Variants in MDH1B observed in about 807,000 individuals in gnomAD.
MDH1B encodes putative malate dehydrogenase 1B.
In MDH1B, 60 loss-of-function variants were observed where a neutral mutation model predicts 61.4. The ratio of observed to expected loss-of-function variants is 0.98; its 90% CI spans 0.79 to 1.21. The LOEUF (loss-of-function observed/expected upper bound fraction) is 1.21. Ranked by LOEUF, MDH1B falls within the 50% of genes most tolerant of loss-of-function variation. The pLI, the probability that MDH1B is intolerant of heterozygous loss-of-function variation, is 0.00. For synonymous variants in MDH1B, 236 were observed against 218.7 expected, an observed-to-expected ratio of 1.08 and a Z score of -0.70; for missense variants, 587 against 632.1, an observed-to-expected ratio of 0.93 and a Z score of 0.76.
chr2:206,738,485 A>G lies in MDH1B; in HGVS notation c.1555T>C (p.Ter519GlnextTer15), dbSNP rs372236684. Residue 519 changes from the stop codon to glutamine (Q), a stop_lost, in exon 12 of 12, where the codon TAA (stop) becomes CAA (glutamine). Coordinates refer to ENST00000374412, the MANE Select transcript of MDH1B (RefSeq NM_001039845.3). Reference protein sequence around the residue: ...NEFEGKTVES* With the variant: ...NEFEGKTVESQ ...TATATTTCATCCAATTTGATCTGTT[A>G]GGATTCCACGGTTTTGCCTTCAAAT... The G allele has an allele frequency of 4.3e-5, 68 of 1,582,076 alleles. No homozygotes were observed. Among genetic ancestry groups the G allele is most frequent in the Non-Finnish European group, 5.6e-5 (65 of 1,158,824 alleles).
At position 206,755,148 on chromosome 2, in the gene MDH1B, C is replaced by G; in HGVS notation, c.771G>C (p.Gly257=). The change falls in exon 5 of 12, where the codon GGG becomes GGC. Residue 257 remains glycine, a synonymous_variant. Transcript: ENST00000374412. The part of the protein sequence containing the change: ...AHESVRVIVG[G]RTFVNLKTVL... Reference sequence around the variant, plus strand: ...CTGTCTTCAGGTTTACAAAGGTTCTCCCTCCCACGATGACTCTGACAGACT... The same window carrying G: ...CTGTCTTCAGGTTTACAAAGGTTCTGCCTCCCACGATGACTCTGACAGACT... 6.2e-7 allele frequency: 1 copy of G among 1,614,200 alleles called. No individual in the cohort carries two copies. Among genetic ancestry groups the G allele is most frequent in the Non-Finnish European group, 8.5e-7 (1 of 1,180,046 alleles).
intron 9 of MDH1B, among the ~76,000 whole-genome samples, chr2:206,744,859 G>C (rs1350369317): frequency 6.6e-6 from 1 of 151,902 alleles, no homozygotes; most frequent in Non-Finnish European, 1.5e-5. Context: ...TGGGAGGCGG[G>C]GCTTGTGGTG....
In MDH1B at chr2:206,755,274, A is replaced by G. The variant is rs1351699222; in HGVS notation, c.645T>C (p.Asp215=). 2 of 1,614,056 alleles carry G rather than the reference A, an allele frequency of 1.2e-6. No homozygotes were observed. The highest frequency in any genetic ancestry group is 2.7e-5 in the African/African-American group (2 of 74,922). ...FRQAHVIVVL[D]DSTNKEVFTL... is the part of the protein sequence containing the mutation. ...TGAACACCTCCTTGTTGGTGCTGTC[A>G]TCCAGCACCACAATGACGTGGGCCT... The change falls in exon 5 of 12, where the codon GAT becomes GAC. Residue 215 remains aspartate, a synonymous_variant. Transcript: ENST00000374412.
chr2:206,740,878 TA>T (rs1226291281), intron 10 of MDH1B, among the ~76,000 whole-genome samples, 175 bp downstream of exon 10: 1 of 152,220 alleles, frequency 6.6e-6, no homozygotes, highest in South Asian at 2.1e-4. Flanking sequence ...TAGTGCTTTT[TA>T]AAAAAAAGTT....
chr2:206,751,136 T>C, intron 5 of MDH1B, 61 bp from the exon 6 acceptor site: 1 of 1,264,372 alleles, frequency 7.9e-7, no homozygotes, highest in Non-Finnish European at 1.1e-6. Flanking sequence ...AAAAATTGCC[T>C]GAAGCCTATT....
chr2:206,741,372 C>T (rs1253429107), intron 9 of MDH1B: 2 of 490,312 alleles, frequency 4.1e-6, no homozygotes, highest in Admixed American at 5.3e-5. Flanking sequence ...AAGTATTGAT[C>T]CTGGGTGTGT....
In MDH1B at chr2:206,739,600, G is replaced by A; in HGVS notation, c.1521C>T (p.Phe507=). 1.2e-6 allele frequency: 2 copies of A among 1,613,754 alleles called. No individual in the cohort carries two copies. Among genetic ancestry groups the A allele is most frequent in the Non-Finnish European group, 1.7e-6 (2 of 1,179,738 alleles). ...TTFEKPQSLE[F]LNEFEGKTVE... is the part of the protein sequence containing the mutation. ...GTTTTGTCTACCACCTACCATTTAG[G>A]AACTCAAGACTCTGTGGCTTTTCAA... is the stretch of plus-strand genomic sequence containing the variant. Residue 507 remains phenylalanine (F), a synonymous_variant, in exon 11 of 12, where the codon TTC becomes TTT. Transcript: ENST00000374412.
chr2:206,750,161 G>A (rs1688348292), intron 6 of MDH1B, among the ~76,000 whole-genome samples: 1 of 151,854 alleles, frequency 6.6e-6, no homozygotes, highest in South Asian at 2.1e-4. Context: ...TCCTACAACT[G>A]GGAAAGTGCT....
intron 6 of MDH1B, among the ~76,000 whole-genome samples, chr2:206,750,395 T>A (rs73068052): frequency 0.11 from 16,297 of 141,852 alleles, 1,339 homozygotes; most frequent in African/African-American, 0.23. Flanking sequence ...TCTCTGTAAC[T>A]CAGTTTTTCA....
chr2:206,761,137 G>C, intron 1 of MDH1B, 124 bp from the exon 2 acceptor site: 1 of 536,146 alleles, frequency 1.9e-6, no homozygotes, highest in Non-Finnish European at 3.3e-6. Context: ...ACATAAAGTT[G>C]CAGTATAAAC....
chr2:206,745,707 C>A, intron 8 of MDH1B, 34 bp from the exon 9 acceptor site: 1 of 1,391,056 alleles, frequency 7.2e-7, no homozygotes, highest in Non-Finnish European at 1.0e-6. Flanking sequence ...AATTAAATGA[C>A]CACAATTCCT....
At chr2:206,759,017 G>C (rs1421355467) in intron 2 of MDH1B, among the ~76,000 whole-genome samples, 1 of 150,078 alleles carries the variant, frequency 6.7e-6, no homozygotes, top group Non-Finnish European at 1.5e-5. Flanking sequence ...GGGTACAAGT[G>C]CAGTTTTGTT....
In MDH1B at chr2:206,756,894, C is replaced by T; in HGVS notation, c.413+4G>A. The stretch of plus-strand genomic sequence containing the variant: ...TCATGAATCCTGGGATTTGACTGTC[C>T]CACCTGGTGATCCAGACCTGCAAGG... On this transcript the variant is annotated splice_donor_region_variant and intron_variant, in intron 4 of 11. Transcript: ENST00000374412. The T allele has an allele frequency of 6.2e-7, 1 of 1,613,806 alleles. No homozygotes were observed. Among genetic ancestry groups the T allele is most frequent in the Non-Finnish European group, 8.5e-7 (1 of 1,179,920 alleles).
At chr2:206,761,677 G>A (rs1689104663) in intron 1 of MDH1B, among the ~76,000 whole-genome samples, 1 of 151,966 alleles carries the variant, frequency 6.6e-6, no homozygotes, top group African/African-American at 2.4e-5. Context: ...GCCATGTAAG[G>A]GTTTCAGACA....
rs775278185 is a variant in MDH1B at position 206,755,468 on chromosome 2, A to G, written c.451T>C (p.Leu151=). The change falls in exon 5 of 12, where the codon TTG becomes CTG. Residue 151 remains leucine, a synonymous_variant. Transcript: ENST00000374412. The part of the protein sequence containing the change: ...APACYNLIPI[L]TSGEVFGMHT... The stretch of plus-strand genomic sequence containing the variant: ...ATCCCAAACACTTCGCCACTCGTCA[A>G]TATGGGAATTAGGTTGTAGCAGGCA... 5 of 1,613,948 alleles carry G rather than the reference A, an allele frequency of 3.1e-6. No individual in the cohort carries two copies. The African/African-American group carries it at 4.0e-5, about 13-fold the overall frequency.
chr2:206,756,671 C>T, intron 4 of MDH1B: 1 of 501,846 alleles, frequency 2.0e-6, no homozygotes, highest in South Asian at 2.7e-5. Context: ...GACCAAGTGA[C>T]TGTGTTTGTG....
rs1035763273 is a variant in MDH1B at position 206,753,404 on chromosome 2, T to A, written c.910+1605A>T. On this transcript the variant is annotated intron_variant, in intron 5 of 11. Transcript: ENST00000374412. Reference sequence around the variant, plus strand: ...CTTAAGTGATCCTCCCGCCTCAGCCTCCCAAGTAGCTGGAATTACAGGTGT... The same window carrying A: ...CTTAAGTGATCCTCCCGCCTCAGCCACCCAAGTAGCTGGAATTACAGGTGT... 3.3e-5 allele frequency among the ~76,000 whole-genome samples: 5 copies of A among 152,218 alleles called. No individual in the cohort carries two copies. The South Asian group carries it at 1.0e-3, about 32-fold the overall frequency.
chr2:206,755,109 T>C lies in MDH1B; in HGVS notation c.810A>G (p.Arg270=), dbSNP rs370993323. Residue 270 remains arginine, a synonymous_variant, in exon 5 of 12, where the codon AGA becomes AGG. Coordinates refer to ENST00000374412, the MANE Select transcript of MDH1B (RefSeq NM_001039845.3). Reference sequence around the variant, plus strand: ...TGTTGTGTGCAATGCGTGGGGCATATCTCATGAGTAAAACTGTCTTCAGGT... The same window carrying C: ...TGTTGTGTGCAATGCGTGGGGCATACCTCATGAGTAAAACTGTCTTCAGGT... The part of the protein sequence containing the change: ...FVNLKTVLLM[R]YAPRIAHNII... The C allele has an allele frequency of 1.6e-5, 26 of 1,614,198 alleles. No homozygotes were observed. Among genetic ancestry groups the C allele is most frequent in the Non-Finnish European group, 2.1e-5 (25 of 1,180,022 alleles).
chr2:206,762,937 A>C (rs2105960071), intron 1 of MDH1B, among the ~76,000 whole-genome samples: 1 of 152,250 alleles, frequency 6.6e-6, no homozygotes, highest in East Asian at 1.9e-4. Context: ...AACCCATTAA[A>C]AGGTATCATT....
Sources: gnomAD v4.1 joint callset for allele counts (sites outside exome capture counted in the v4.1 genomes callset) on GRCh38, gnomAD v4.1.1 for gene constraint, MANE v1.5 for transcripts, NCBI Gene and HGNC (gene_info 2026-07-23, HGNC 2026-07-21) for gene names.